CADPS2: variants seen among roughly 807,000 people sequenced by gnomAD.
CADPS2 encodes calcium-dependent secretion activator 2.
A neutral mutation model predicts 172.5 loss-of-function variants in CADPS2; 93 were observed. The observed-to-expected ratio is 0.54, with a 90% confidence interval of 0.46 to 0.64. The LOEUF (loss-of-function observed/expected upper bound fraction) is 0.64, where lower values mean the gene tolerates loss of function less well. CADPS2 is among the 30% of genes least tolerant of loss of function. The pLI, the probability that CADPS2 is intolerant of heterozygous loss-of-function variation, is 0.00. For missense variants in CADPS2, 1,420 were observed against 1,565.9 expected (o/e 0.91, Z 1.57); for synonymous variants, 546 against 555.2 (o/e 0.98, Z 0.23).
intron 9 of CADPS2, among the ~76,000 whole-genome samples, chr7:122,501,874 CAAAAAAAAAA>C (rs1173009562): frequency 4.7e-5 from 2 of 42,170 alleles, no homozygotes; most frequent in South Asian, 1.2e-3. Context: ...GACTCCGTCT[CAAAAAAAAAA>C]AAAAAAAAAA....
intron 8 of CADPS2, among the ~76,000 whole-genome samples, chr7:122,551,025 T>G (rs1311395381): frequency 1.3e-5 from 2 of 152,126 alleles, no homozygotes; most frequent in African/African-American, 4.8e-5. Flanking sequence ...CTATTTTCAT[T>G]TACATGTAGT....
chr7:122,778,749 T>C (rs1353780763), intron 1 of CADPS2, among the ~76,000 whole-genome samples: 1 of 152,198 alleles, frequency 6.6e-6, no homozygotes, highest in Non-Finnish European at 1.5e-5. Context: ...AAGTCAAGAA[T>C]TGAGGTTTGG....
At chr7:122,824,569 T>C (rs547404539) in intron 1 of CADPS2, among the ~76,000 whole-genome samples, 3 of 152,208 alleles carry the variant, frequency 2.0e-5, no homozygotes, top group Non-Finnish European at 4.4e-5. Flanking sequence ...TATCCTTTGC[T>C]CTTTATTTAG....
Position 122,428,539 on chromosome 7 carries a change from C to A in CADPS2, c.2476+9802G>T, listed in dbSNP as rs1370916072. Among the ~76,000 whole-genome samples the A allele has an allele frequency of 2.0e-5, 3 of 150,952 alleles. No individual in the cohort carries two copies. In the East Asian group the frequency reaches 5.9e-4, roughly 30 times the overall value. On this transcript the variant is annotated intron_variant, in intron 17 of 29. Transcript: ENST00000449022. The stretch of plus-strand genomic sequence containing the variant: ...CTGGAGTACAGTGGCGCAATCACGG[C>A]TCACTGCAACCTCTGCCTCCCAGGT...
intron 20 of CADPS2, among the ~76,000 whole-genome samples, chr7:122,404,918 G>A (rs1472458328): frequency 1.3e-5 from 2 of 152,014 alleles, no homozygotes; most frequent in African/African-American, 4.8e-5. Flanking sequence ...GAGGTCAGGA[G>A]ATCGAGACCA....
chr7:122,674,192 G>A (rs534031173), intron 2 of CADPS2, among the ~76,000 whole-genome samples: 130 of 152,208 alleles, frequency 8.5e-4, no homozygotes, highest in African/African-American at 3.1e-3. Flanking sequence ...ACAGCCCCGG[G>A]TCCCCGCCCG....
intron 1 of CADPS2, among the ~76,000 whole-genome samples, chr7:122,776,213 C>A (rs1204123451): frequency 6.6e-6 from 1 of 152,064 alleles, no homozygotes; most frequent in African/African-American, 2.4e-5. Context: ...CCATGCTGTT[C>A]TCATGATAGT....
In CADPS2 at chr7:122,481,743, G is replaced by A. The variant is rs546700848; in HGVS notation, c.1853-883C>T. On this transcript the variant is annotated intron_variant, in intron 11 of 29. Coordinates refer to ENST00000449022, the MANE Select transcript of CADPS2 (RefSeq NM_017954.11). ...TTATTTGTTACAGGCAGGTGCAGTG[G>A]CTCATGCCTGTAATCCCAGCACTTT... Among the ~76,000 whole-genome samples the A allele has an allele frequency of 8.5e-5, 13 of 152,200 alleles. No homozygotes were observed. In the South Asian group the frequency reaches 2.7e-3, roughly 32 times the overall value.
chr7:122,592,950 C>T (rs2071118931), intron 6 of CADPS2, among the ~76,000 whole-genome samples: 1 of 151,444 alleles, frequency 6.6e-6, no homozygotes, highest in Non-Finnish European at 1.5e-5. Context: ...AACAAACCTG[C>T]ACGTTGTACA....
intron 3 of CADPS2, among the ~76,000 whole-genome samples, chr7:122,661,724 A>C (rs1229612734): frequency 6.6e-6 from 1 of 152,200 alleles, no homozygotes; most frequent in African/African-American, 2.4e-5. Flanking sequence ...TACAGAGGAA[A>C]AAATATGTTT....
intron 28 of CADPS2, among the ~76,000 whole-genome samples, chr7:122,335,180 T>C (rs1243637813): frequency 1.3e-5 from 2 of 152,256 alleles, no homozygotes; most frequent in African/African-American, 2.4e-5. Flanking sequence ...GAAATGGATA[T>C]TCTACATGAA....
intron 1 of CADPS2, among the ~76,000 whole-genome samples, chr7:122,797,356 C>G (rs907943842): frequency 7.2e-5 from 11 of 152,080 alleles, no homozygotes; most frequent in Non-Finnish European, 1.2e-4. Flanking sequence ...GGTATATACC[C>G]AAAGGAATAT....
intron 6 of CADPS2, among the ~76,000 whole-genome samples, chr7:122,603,239 AAAT>A (rs2073039904): frequency 6.6e-6 from 1 of 151,390 alleles, no homozygotes; most frequent in Non-Finnish European, 1.5e-5. Flanking sequence ...CTTACCAAAT[AAAT>A]ATTATATGAC....
At chr7:122,871,574 A>G (rs893757155) in intron 1 of CADPS2, among the ~76,000 whole-genome samples, 3 of 152,084 alleles carry the variant, frequency 2.0e-5, no homozygotes, top group African/African-American at 7.2e-5. Flanking sequence ...CTAAAGAAAG[A>G]AAGGCTAGAT....
intron 11 of CADPS2, among the ~76,000 whole-genome samples, chr7:122,487,555 T>A (rs1261591795): frequency 6.6e-6 from 1 of 152,182 alleles, no homozygotes; most frequent in African/African-American, 2.4e-5. Context: ...CATTTCTCTA[T>A]ATGAGCAATA....
intron 2 of CADPS2, among the ~76,000 whole-genome samples, chr7:122,709,071 A>T (rs1322429486): frequency 6.6e-6 from 1 of 152,070 alleles, no homozygotes; most frequent in African/African-American, 2.4e-5. Flanking sequence ...TACCAAGCAG[A>T]TTCCTTTAAA....
chr7:122,487,372 T>A (rs1238865347), intron 11 of CADPS2, among the ~76,000 whole-genome samples: 1 of 152,116 alleles, frequency 6.6e-6, no homozygotes, highest in Non-Finnish European at 1.5e-5. Flanking sequence ...TATTGAGATA[T>A]TCATCTTATT....
chr7:122,345,807 CA>C (rs1224716783), intron 27 of CADPS2, 126 bp from the exon 28 acceptor site: 1 of 573,918 alleles, frequency 1.7e-6, no homozygotes, highest in Non-Finnish European at 3.0e-6. Flanking sequence ...AAAACTAAAC[CA>C]AAAGTGAGCA....
chr7:122,732,145 A>G (rs1562882587), intron 2 of CADPS2, among the ~76,000 whole-genome samples: 1 of 151,736 alleles, frequency 6.6e-6, no homozygotes, highest in African/African-American at 2.4e-5. Flanking sequence ...AGAAATACCC[A>G]AAAAGATCTA....
Sources: allele counts gnomAD v4.1 joint callset (sites outside exome capture counted in the v4.1 genomes callset), GRCh38; gene constraint gnomAD v4.1.1; transcripts MANE v1.5; gene names NCBI Gene and HGNC (gene_info 2026-07-23, HGNC 2026-07-21).